PPP1R9A: variants seen among roughly 807,000 people sequenced by gnomAD.
PPP1R9A encodes the protein neurabin-1.
A neutral mutation model predicts 141.9 loss-of-function variants in PPP1R9A; 59 were observed. The observed-to-expected ratio is 0.42, with a 90% CI of 0.34 to 0.52. The LOEUF (loss-of-function observed/expected upper bound fraction) is 0.52. PPP1R9A is among the 20% of genes least tolerant of loss of function. The pLI is 0.10. For missense variants in PPP1R9A, 1,444 were observed against 1,611.9 expected, an observed-to-expected ratio of 0.90 and a Z score of 1.78; for synonymous variants, 500 against 569.7, an observed-to-expected ratio of 0.88 and a Z score of 1.74.
intron 2 of PPP1R9A, among the ~76,000 whole-genome samples, chr7:94,934,794 A>ATG (rs869132447): frequency 5.9e-5 from 7 of 118,592 alleles, no homozygotes; most frequent in Admixed American, 8.4e-5. Flanking sequence ...CTTTTATCAA[A>ATG]TGTGTGTGTG....
At chr7:95,054,562 G>A (rs568794069) in intron 2 of PPP1R9A, among the ~76,000 whole-genome samples, 2 of 152,136 alleles carry the variant, frequency 1.3e-5, no homozygotes, top group Non-Finnish European at 2.9e-5. Context: ...GCACAGGTGT[G>A]TCCAGTCCTG....
intron 2 of PPP1R9A, among the ~76,000 whole-genome samples, chr7:94,980,695 G>T (rs1800004215): frequency 6.6e-6 from 1 of 151,468 alleles, no homozygotes; most frequent in East Asian, 1.9e-4. Context: ...AAAAATCCTG[G>T]CCTACCTTAT....
intron 2 of PPP1R9A, among the ~76,000 whole-genome samples, chr7:94,927,147 A>G (rs1004168638): frequency 6.6e-6 from 1 of 152,130 alleles, no homozygotes; most frequent in Non-Finnish European, 1.5e-5. Flanking sequence ...TTCTTTTTAA[A>G]TGTACAATAA....
At chr7:95,019,862 A>G (rs56344703) in intron 2 of PPP1R9A, among the ~76,000 whole-genome samples, 55,546 of 151,968 alleles carry the variant, frequency 0.37, 11,345 homozygotes, top group Middle Eastern at 0.51. Flanking sequence ...TTATTTATAC[A>G]AGAGAAATGA....
At chr7:95,118,189 C>T (rs1486345170) in intron 3 of PPP1R9A, among the ~76,000 whole-genome samples, 1 of 152,160 alleles carries the variant, frequency 6.6e-6, no homozygotes, top group Non-Finnish European at 1.5e-5. Context: ...ATGTACACAA[C>T]AAATCTCTGT....
chr7:94,912,744 A>G (rs1044499856), intron 2 of PPP1R9A, among the ~76,000 whole-genome samples: 1 of 152,202 alleles, frequency 6.6e-6, no homozygotes, highest in African/African-American at 2.4e-5. Flanking sequence ...CTTTCATTTT[A>G]TTAGTGTAAG....
intron 2 of PPP1R9A, among the ~76,000 whole-genome samples, chr7:95,088,818 T>G (rs2152327385): frequency 6.6e-6 from 1 of 152,020 alleles, no homozygotes. Context: ...TGGGAAAAGG[T>G]GATTGCTTGT....
intron 2 of PPP1R9A, among the ~76,000 whole-genome samples, chr7:94,980,472 T>G (rs1215038066): frequency 1.3e-5 from 2 of 152,204 alleles, no homozygotes; most frequent in Non-Finnish European, 2.9e-5. Context: ...AATATTCAGT[T>G]TTTGAGACAG....
intron 5 of PPP1R9A, among the ~76,000 whole-genome samples, chr7:95,162,624 C>T (rs1463630607): frequency 1.3e-5 from 2 of 152,034 alleles, no homozygotes; most frequent in African/African-American, 4.8e-5. Context: ...TTCAGTATTG[C>T]TTATATCATA....
chr7:95,165,377 A>G (rs183294926), intron 5 of PPP1R9A, among the ~76,000 whole-genome samples: 17 of 152,336 alleles, frequency 1.1e-4, no homozygotes, highest in Admixed American at 2.0e-4. Context: ...TACCCTTTTG[A>G]AGATGCCCAC....
chr7:95,192,747 TA>T (rs1835689761), intron 5 of PPP1R9A, among the ~76,000 whole-genome samples: 1 of 152,060 alleles, frequency 6.6e-6, no homozygotes, highest in African/African-American at 2.4e-5. Flanking sequence ...CCCTTTTACT[TA>T]CCATTTTAAC....
intron 9 of PPP1R9A, 80 bp from the exon 10 acceptor site, chr7:95,249,946 C>T (rs986160547): frequency 2.1e-6 from 3 of 1,460,882 alleles, no homozygotes; most frequent in African/African-American, 2.9e-5. Flanking sequence ...AGAACTTGAT[C>T]TACAACATGC....
At chr7:95,150,047 C>A (rs539919250) in intron 4 of PPP1R9A, among the ~76,000 whole-genome samples, 1 of 151,756 alleles carries the variant, frequency 6.6e-6, no homozygotes, top group African/African-American at 2.4e-5. Context: ...CAGAAATAGA[C>A]CCACATAAAT....
intron 2 of PPP1R9A, among the ~76,000 whole-genome samples, chr7:95,024,351 A>G (rs544785696): frequency 6.6e-6 from 1 of 152,254 alleles, no homozygotes; most frequent in Admixed American, 6.5e-5. Flanking sequence ...TGCCTCCTTG[A>G]GGTGTCTGAT....
At chr7:94,952,764 T>C (rs1225478349) in intron 2 of PPP1R9A, among the ~76,000 whole-genome samples, 1 of 152,222 alleles carries the variant, frequency 6.6e-6, no homozygotes, top group African/African-American at 2.4e-5. Context: ...TTTTGATAAT[T>C]GCCTGTTCAT....
At chr7:95,133,458 T>C (rs950309864) in intron 4 of PPP1R9A, among the ~76,000 whole-genome samples, 2 of 150,350 alleles carry the variant, frequency 1.3e-5, no homozygotes, top group Non-Finnish European at 3.0e-5. Flanking sequence ...TATATTACTT[T>C]ATATAATGTC....
intron 2 of PPP1R9A, among the ~76,000 whole-genome samples, chr7:95,000,223 C>G (rs1191261586): frequency 6.6e-6 from 1 of 152,142 alleles, no homozygotes; most frequent in East Asian, 1.9e-4. Flanking sequence ...ATGCTTCATA[C>G]ATGATATAGG....
At chr7:94,950,640 C>T (rs1211419335) in intron 2 of PPP1R9A, among the ~76,000 whole-genome samples, 1 of 151,894 alleles carries the variant, frequency 6.6e-6, no homozygotes, top group Non-Finnish European at 1.5e-5. Flanking sequence ...TTTGGGTCTT[C>T]TTTAATATAT....
At chr7:95,273,413 T>C (rs1276794645) in intron 14 of PPP1R9A, among the ~76,000 whole-genome samples, 2 of 152,134 alleles carry the variant, frequency 1.3e-5, no homozygotes, top group Non-Finnish European at 2.9e-5. Flanking sequence ...ACTCTGACTT[T>C]CCCCCTAAAT....
Sources: allele counts gnomAD v4.1 joint callset (sites outside exome capture counted in the v4.1 genomes callset), GRCh38; gene constraint gnomAD v4.1.1; transcripts MANE v1.5; gene names NCBI Gene and HGNC (gene_info 2026-07-23, HGNC 2026-07-21).